The following UGGT1 variants were observed in gnomAD, a reference collection of about 807,000 sequenced individuals.
UGGT1 encodes UDP-glucose glycoprotein glucosyltransferase 1.
A neutral mutation model predicts 203.9 loss-of-function variants in UGGT1; 107 were observed. The ratio of observed to expected loss-of-function variants is 0.52; its 90% confidence interval spans 0.45 to 0.62. UGGT1 has a LOEUF of 0.62. UGGT1 is among the 20% of genes least tolerant of loss of function. The pLI, the probability that UGGT1 is intolerant of heterozygous loss-of-function variation, is 0.00. For synonymous variants in UGGT1, 628 were observed against 653.5 expected (o/e 0.96, Z 0.59); for missense variants, 1,673 against 1,867.2 (o/e 0.90, Z 1.92).
rs1232286534 is a variant in UGGT1, at chr2:128,116,351, T to C, written c.872+8T>C. 1 of 1,581,570 alleles carries C rather than the reference T, an allele frequency of 6.3e-7. No homozygotes were observed. Among genetic ancestry groups the C allele is most frequent in the Non-Finnish European group, 8.7e-7 (1 of 1,152,490 alleles). On this transcript the variant is annotated splice_region_variant and intron_variant, in intron 8 of 40. Transcript: ENST00000259253. ...CCTCTTTGGAAAATTAAGGTATGTA[T>C]GTTCTGTGTATTTTGGGAAACGCCC...
At chr2:128,091,501 T>A in intron 1 of UGGT1, 86 bp downstream of exon 1, 1 of 1,510,728 alleles carries the variant, frequency 6.6e-7, no homozygotes, top group Non-Finnish European at 8.9e-7. Context: ...CACATTGAGC[T>A]TCCGCCTCTA....
chr2:128,150,650 ATTT>A (rs1028216331), intron 18 of UGGT1, among the ~76,000 whole-genome samples: 1 of 125,478 alleles, frequency 8.0e-6, no homozygotes, highest in Non-Finnish European at 1.7e-5. Context: ...ACAATTATTT[ATTT>A]TTTTTAATTA....
intron 3 of UGGT1, among the ~76,000 whole-genome samples, chr2:128,105,152 G>A (rs1687547933): frequency 6.6e-6 from 1 of 151,148 alleles, no homozygotes; most frequent in Non-Finnish European, 1.5e-5. Flanking sequence ...TAAAGTTCTG[G>A]GATTACAGGC....
At chr2:128,102,481 A>G (rs1382957122) in intron 2 of UGGT1, among the ~76,000 whole-genome samples, 5 of 152,168 alleles carry the variant, frequency 3.3e-5, no homozygotes, top group Admixed American at 3.3e-4. Context: ...AATAAGTATT[A>G]TATAAGAAGC....
chr2:128,093,216 C>T (rs906699127), intron 1 of UGGT1, among the ~76,000 whole-genome samples: 5 of 151,762 alleles, frequency 3.3e-5, no homozygotes, highest in Admixed American at 3.3e-4. Flanking sequence ...TTTTTGAAAA[C>T]AGTGTAGGGG....
chr2:128,117,546 CTTT>C (rs10694331), intron 8 of UGGT1, among the ~76,000 whole-genome samples: 1 of 137,510 alleles, frequency 7.3e-6, no homozygotes. Flanking sequence ...AACTGTTATT[CTTT>C]TTTTTTTTTT....
intron 13 of UGGT1, 110 bp from the exon 14 acceptor site, chr2:128,133,031 C>G: frequency 2.2e-6 from 3 of 1,360,464 alleles, no homozygotes; most frequent in South Asian, 2.7e-5. Context: ...TGAAAATGGT[C>G]TTGTCTCACA....
At chr2:128,112,449 CTA>C (rs1440983347) in intron 5 of UGGT1, among the ~76,000 whole-genome samples, 3 of 13,460 alleles carry the variant, frequency 2.2e-4, no homozygotes, top group African/African-American at 3.5e-4. Flanking sequence ...CCAAAAAATA[CTA>C]TGTTATATAT....
Position 128,189,917 on chromosome 2 carries a change from G to A in UGGT1, c.*175G>A. 1.6e-6 allele frequency: 1 copy of A among 636,654 alleles called. No homozygotes were observed. The highest frequency in any genetic ancestry group is 2.6e-6 in the Non-Finnish European group (1 of 379,204). 39.4% of individuals were successfully genotyped at this position (636,654 alleles called of 1,614,324 possible). A position where few individuals can be genotyped will look rare whatever the true frequency, so the allele number is the denominator to read the frequency against. Reference sequence around the variant, plus strand: ...GTACTCTGGTGGCCACTGGATCTTTGGGATTAAAGCTCTGTTGGATTTGTA... The same window carrying A: ...GTACTCTGGTGGCCACTGGATCTTTAGGATTAAAGCTCTGTTGGATTTGTA... On this transcript the variant is annotated 3_prime_UTR_variant, in exon 41 of 41. Transcript: ENST00000259253.
intron 1 of UGGT1, among the ~76,000 whole-genome samples, chr2:128,096,708 A>G (rs1168958655): frequency 6.6e-6 from 1 of 152,164 alleles, no homozygotes; most frequent in African/African-American, 2.4e-5. Flanking sequence ...GGGGGATAGG[A>G]TTTCCATATC....
In UGGT1 at chr2:128,182,187, G is replaced by T; in HGVS notation, c.4141G>T (p.Gly1381Cys). 1 of 1,614,124 alleles carries T rather than the reference G, an allele frequency of 6.2e-7. No individual in the cohort carries two copies. ...TTTCAATTTGGATGGTGCTCCTTAT[G>T]GTTACACTCCTTTCTGTGACAGCCG... ...RDFNLDGAPY[G>C]YTPFCDSRRE... is the part of the protein sequence containing the mutation. Residue 1381 changes from glycine (G) to cysteine (C), a missense_variant, in exon 37 of 41, where the codon GGT becomes TGT. Physicochemically the swap from Gly to Cys is radical, Grantham distance 159 (BLOSUM62 -3). Transcript: ENST00000259253.
intron 17 of UGGT1, 92 bp downstream of exon 17, chr2:128,143,317 G>GGTTA: frequency 7.3e-7 from 1 of 1,373,134 alleles, no homozygotes; most frequent in Non-Finnish European, 9.7e-7. Flanking sequence ...TGGCGATGGT[G>GGTTA]GTTAAAGTGT....
intron 14 of UGGT1, 133 bp downstream of exon 14, chr2:128,133,393 C>G: frequency 8.1e-7 from 1 of 1,229,058 alleles, no homozygotes; most frequent in Non-Finnish European, 1.1e-6. Context: ...AATACTCTTC[C>G]CTGTTCACAC....
rs947815839 is a variant in UGGT1 at position 128,138,907 on chromosome 2, T to A, written c.1719+55T>A. 3.7e-6 allele frequency: 6 copies of A among 1,604,722 alleles called. No homozygotes were observed. The African/African-American group carries it at 8.0e-5, about 21-fold the overall frequency. ...TTTTTCAGATCTAACTTACTCTTAA[T>A]AACAATGTGTGGTCATTGTATGCTA... On this transcript the variant is annotated intron_variant, in intron 16 of 40. Coordinates refer to ENST00000259253, the MANE Select transcript of UGGT1 (RefSeq NM_020120.4).
At chr2:128,128,599 A>T (rs1396341796) in intron 12 of UGGT1, among the ~76,000 whole-genome samples, 1 of 152,172 alleles carries the variant, frequency 6.6e-6, no homozygotes, top group Admixed American at 6.5e-5. Flanking sequence ...GGCATGAGCC[A>T]CCGCGCCCAG....
intron 19 of UGGT1, among the ~76,000 whole-genome samples, chr2:128,154,060 T>TAC (rs10597837): frequency 0.13 from 20,078 of 149,700 alleles, 1,556 homozygotes; most frequent in Non-Finnish European, 0.18. Context: ...CATGTATATA[T>TAC]ACACACACAC....
rs1691080302 is a variant in UGGT1, at chr2:128,171,169, A to T, written c.3025-36A>T. The T allele has an allele frequency of 7.0e-6, 11 of 1,577,492 alleles. No individual in the cohort carries two copies. The East Asian group carries it at 2.0e-4, about 29-fold the overall frequency. ...CAAATAATAAATTTCTGAAGAAAAAAATCCTAAATATTTTGTCATCTGGTT... is the reference window on the plus strand; with the variant it reads ...CAAATAATAAATTTCTGAAGAAAAATATCCTAAATATTTTGTCATCTGGTT... On this transcript the variant is annotated intron_variant, in intron 27 of 40. Transcript: ENST00000259253.
chr2:128,103,145 G>C (rs898587907), intron 2 of UGGT1: 3 of 470,384 alleles, frequency 6.4e-6, no homozygotes, highest in Non-Finnish European at 8.8e-6. Context: ...CCTTTGGCTA[G>C]GTAAGCTGAG....
intron 2 of UGGT1, among the ~76,000 whole-genome samples, chr2:128,101,019 T>A (rs1007764916): frequency 6.6e-6 from 1 of 152,190 alleles, no homozygotes; most frequent in Non-Finnish European, 1.5e-5. Context: ...TTTTATTAAT[T>A]TTTTTCCTTG....
Sources: allele counts gnomAD v4.1 joint callset (sites outside exome capture counted in the v4.1 genomes callset), GRCh38; gene constraint gnomAD v4.1.1; transcripts MANE v1.5; gene names NCBI Gene and HGNC (gene_info 2026-07-23, HGNC 2026-07-21).